KCNIP4: variants seen among roughly 807,000 people sequenced by gnomAD.
KCNIP4 encodes potassium voltage-gated channel interacting protein 4.
In KCNIP4, 12 loss-of-function variants were observed where a neutral mutation model predicts 34.0. That is an observed-to-expected ratio of 0.35 (90% CI 0.23 to 0.57). The LOEUF (loss-of-function observed/expected upper bound fraction) is 0.57. KCNIP4 is among the 20% of genes least tolerant of loss of function. The pLI is 0.83. For synonymous variants in KCNIP4, 124 were observed against 102.2 expected, an observed-to-expected ratio of 1.21 and a Z score of -1.29; for missense variants, 238 against 311.7, an observed-to-expected ratio of 0.76 and a Z score of 1.78.
intron 1 of KCNIP4, among the ~76,000 whole-genome samples, chr4:21,706,849 C>T (rs2109070254): frequency 6.6e-6 from 1 of 152,202 alleles, no homozygotes; most frequent in South Asian, 2.1e-4. Context: ...CACCATGGGG[C>T]TGCAAAGAGA....
chr4:21,766,511 GCTGCTATCA>G (rs1402188817), intron 1 of KCNIP4, among the ~76,000 whole-genome samples: 3 of 152,100 alleles, frequency 2.0e-5, no homozygotes, highest in Admixed American at 2.0e-4. Context: ...GCTTCCCTCT[GCTGCTATCA>G]CTGTTGGCAT....
chr4:21,779,720 C>G (rs1015552607), intron 1 of KCNIP4, among the ~76,000 whole-genome samples: 1 of 151,964 alleles, frequency 6.6e-6, no homozygotes, highest in Non-Finnish European at 1.5e-5. Context: ...CTGGGTGACA[C>G]AGCAAGATCC....
In KCNIP4 at chr4:20,734,686, T is replaced by G; in HGVS notation, c.479A>C (p.Lys160Thr). 1 of 1,603,826 alleles carries G rather than the reference T, an allele frequency of 6.2e-7. No homozygotes were observed. Among genetic ancestry groups the G allele is most frequent in the Non-Finnish European group, 8.5e-7 (1 of 1,175,300 alleles). ...ATACAGATTAAATGCCCAATTGAGT[T>G]TTTCTTGTACTGTCCCCCGGAGCAA... is the stretch of plus-strand genomic sequence containing the variant. ...SILLRGTVQE[K>T]LNWAFNLYDI... The change falls in exon 6 of 9, where the codon AAA becomes ACA. Residue 160 changes from lysine (K) to threonine (T), a missense_variant. Physicochemically the swap from Lys to Thr is moderately conservative, Grantham distance 78 (BLOSUM62 -1). Coordinates refer to ENST00000382152, the MANE Select transcript of KCNIP4 (RefSeq NM_025221.6).
rs370513359 is a variant in KCNIP4 at position 20,825,105 on chromosome 4, T to G, written c.288+25438A>C. Among the ~76,000 whole-genome samples the G allele has an allele frequency of 1.1e-4, 16 of 152,102 alleles. No individual in the cohort carries two copies. In the South Asian group the frequency reaches 1.2e-3, roughly 12 times the overall value. The stretch of plus-strand genomic sequence containing the variant: ...CGTATTTCCCAAAGGTTTGCCAGGA[T>G]AAACTTCAGAAGCAGACAGGGTGCC... On this transcript the variant is annotated intron_variant, in intron 3 of 8. Coordinates refer to ENST00000382152, the MANE Select transcript of KCNIP4 (RefSeq NM_025221.6).
At chr4:20,986,995 C>T (rs897694304) in intron 1 of KCNIP4, among the ~76,000 whole-genome samples, 2 of 152,126 alleles carry the variant, frequency 1.3e-5, no homozygotes, top group African/African-American at 4.8e-5. Context: ...TGCGGGGGCT[C>T]TTTCACATGC....
chr4:21,819,996 T>C (rs112894628), intron 1 of KCNIP4, among the ~76,000 whole-genome samples: 55 of 152,148 alleles, frequency 3.6e-4, no homozygotes, highest in African/African-American at 1.3e-3. Context: ...TAATTTGATA[T>C]AGCTATCTAA....
chr4:21,124,869 C>A (rs1012830797), intron 1 of KCNIP4, among the ~76,000 whole-genome samples: 3 of 152,080 alleles, frequency 2.0e-5, no homozygotes, highest in African/African-American at 7.2e-5. Flanking sequence ...GATCTCAACT[C>A]CATTCAGCTA....
chr4:21,250,106 G>C (rs1760583647), intron 1 of KCNIP4, among the ~76,000 whole-genome samples: 1 of 138,428 alleles, frequency 7.2e-6, no homozygotes, highest in African/African-American at 3.3e-5. Context: ...AAGGGAGGAG[G>C]ATCTCATTTC....
intron 1 of KCNIP4, among the ~76,000 whole-genome samples, chr4:21,062,888 T>G: frequency 6.6e-6 from 1 of 152,182 alleles, no homozygotes; most frequent in East Asian, 1.9e-4. Flanking sequence ...GAGGATGATC[T>G]GTTTTGCTCA....
At chr4:21,635,481 C>T (rs1746076100) in intron 1 of KCNIP4, among the ~76,000 whole-genome samples, 1 of 152,038 alleles carries the variant, frequency 6.6e-6, no homozygotes, top group Non-Finnish European at 1.5e-5. Context: ...GGGCGAAGGA[C>T]ATGAACAGAC....
intron 1 of KCNIP4, among the ~76,000 whole-genome samples, chr4:21,347,861 G>A (rs1000824340): frequency 6.6e-6 from 1 of 152,106 alleles, no homozygotes; most frequent in Non-Finnish European, 1.5e-5. Context: ...TCCAAGCTAT[G>A]CCATGAGAAA....
intron 1 of KCNIP4, among the ~76,000 whole-genome samples, chr4:21,462,541 A>G (rs1729546334): frequency 6.6e-6 from 1 of 152,098 alleles, no homozygotes; most frequent in African/African-American, 2.4e-5. Flanking sequence ...TGGTGGGTAC[A>G]CAGCCAAACC....
intron 1 of KCNIP4, among the ~76,000 whole-genome samples, chr4:21,357,526 C>A (rs1311781862): frequency 6.6e-6 from 1 of 152,146 alleles, no homozygotes; most frequent in South Asian, 2.1e-4. Flanking sequence ...ACAGACACTT[C>A]TCAAAAGAAG....
chr4:21,311,445 C>T (rs965420540), intron 1 of KCNIP4, among the ~76,000 whole-genome samples: 2 of 152,146 alleles, frequency 1.3e-5, no homozygotes, highest in African/African-American at 4.8e-5. Flanking sequence ...TATCCCAGCA[C>T]TTTGGGAGGC....
At chr4:21,087,148 G>A (rs1187388046) in intron 1 of KCNIP4, among the ~76,000 whole-genome samples, 1 of 112,774 alleles carries the variant, frequency 8.9e-6, no homozygotes, top group South Asian at 3.0e-4. Flanking sequence ...GCTGGGTAAT[G>A]TGTGTGTGTG....
chr4:21,086,380 C>T (rs1223468297), intron 1 of KCNIP4, among the ~76,000 whole-genome samples: 1 of 152,092 alleles, frequency 6.6e-6, no homozygotes, highest in African/African-American at 2.4e-5. Flanking sequence ...TGATGACAGC[C>T]ACGGTGCCAT....
chr4:21,402,155 G>GA (rs1723610549), intron 1 of KCNIP4, among the ~76,000 whole-genome samples: 1 of 152,128 alleles, frequency 6.6e-6, no homozygotes, highest in African/African-American at 2.4e-5. Context: ...TGCAGAATGA[G>GA]AAAAAATTAT....
At chr4:21,291,809 G>A (rs1243067034) in intron 1 of KCNIP4, among the ~76,000 whole-genome samples, 3 of 145,826 alleles carry the variant, frequency 2.1e-5, no homozygotes, top group African/African-American at 7.6e-5. Flanking sequence ...AGTCAAGATC[G>A]CGCCGCTGCA....
chr4:21,889,994 T>C (rs996445884), intron 1 of KCNIP4, among the ~76,000 whole-genome samples: 3 of 152,126 alleles, frequency 2.0e-5, no homozygotes, highest in African/African-American at 2.4e-5. Flanking sequence ...CACAATGGAA[T>C]TGGTGGTGGT....
Sources: allele counts gnomAD v4.1 joint callset (sites outside exome capture counted in the v4.1 genomes callset), GRCh38; gene constraint gnomAD v4.1.1; transcripts MANE v1.5; gene names NCBI Gene and HGNC (gene_info 2026-07-23, HGNC 2026-07-21).